GPC6: variants seen among roughly 807,000 people sequenced by gnomAD.
GPC6 encodes the protein glypican-6.
Under a neutral mutation model 55.2 loss-of-function variants are expected in GPC6, and 14 were observed. The observed-to-expected ratio is 0.25, with a 90% CI of 0.17 to 0.40. The LOEUF is 0.40. Ranked by LOEUF, GPC6 falls within the 10% of genes least tolerant of loss-of-function variation. The pLI is 1.00. For synonymous variants in GPC6, 278 were observed against 259.6 expected, an observed-to-expected ratio of 1.07 and a Z score of -0.68; for missense variants, 641 against 708.5, an observed-to-expected ratio of 0.90 and a Z score of 1.08.
At chr13:93,670,986 C>T (rs1487901325) in intron 2 of GPC6, among the ~76,000 whole-genome samples, 1 of 152,182 alleles carries the variant, frequency 6.6e-6, no homozygotes, top group Non-Finnish European at 1.5e-5. Flanking sequence ...TTTGGTCTTG[C>T]TCCCTTTCCA....
At chr13:93,729,421 G>T (rs1204550005) in intron 2 of GPC6, among the ~76,000 whole-genome samples, 1 of 152,124 alleles carries the variant, frequency 6.6e-6, no homozygotes, top group African/African-American at 2.4e-5. Flanking sequence ...TATCCAAACA[G>T]CAGTAAACTT....
At chr13:94,264,522 G>A (rs1368040536) in intron 4 of GPC6, among the ~76,000 whole-genome samples, 1 of 152,152 alleles carries the variant, frequency 6.6e-6, no homozygotes, top group Non-Finnish European at 1.5e-5. Context: ...TATTTGCTAT[G>A]CATTAGATGT....
intron 2 of GPC6, among the ~76,000 whole-genome samples, chr13:93,686,390 T>TC (rs1808321524): frequency 1.3e-5 from 2 of 152,144 alleles, no homozygotes; most frequent in Non-Finnish European, 2.9e-5. Context: ...ATCTTGACAA[T>TC]ATCCTTTGGC....
chr13:94,350,116 A>G (rs1206831223), intron 6 of GPC6, among the ~76,000 whole-genome samples: 1 of 146,226 alleles, frequency 6.8e-6, no homozygotes, highest in Non-Finnish European at 1.5e-5. Flanking sequence ...GTGTGTGTAA[A>G]CCTTTCATCT....
At chr13:94,280,742 G>A (rs563652552) in intron 4 of GPC6, among the ~76,000 whole-genome samples, 43 of 152,196 alleles carry the variant, frequency 2.8e-4, no homozygotes, top group Admixed American at 7.9e-4. Context: ...AAGCTAAAAT[G>A]TACATGCAGC....
At chr13:93,297,649 A>G (rs1283886119) in intron 1 of GPC6, among the ~76,000 whole-genome samples, 1 of 152,044 alleles carries the variant, frequency 6.6e-6, no homozygotes, top group Non-Finnish European at 1.5e-5. Context: ...AGTAAAAAAC[A>G]AAATGATTTT....
At chr13:93,559,173 A>G (rs1452759783) in intron 2 of GPC6, among the ~76,000 whole-genome samples, 1 of 152,170 alleles carries the variant, frequency 6.6e-6, no homozygotes, top group Non-Finnish European at 1.5e-5. Context: ...ATGAACATTA[A>G]GTTGATATCT....
intron 2 of GPC6, among the ~76,000 whole-genome samples, chr13:93,565,215 AG>A (rs1474238038): frequency 1.3e-5 from 2 of 152,098 alleles, no homozygotes; most frequent in African/African-American, 4.8e-5. Context: ...ATCTGTTGAA[AG>A]GGGGGAGAAG....
intron 2 of GPC6, among the ~76,000 whole-genome samples, chr13:93,584,281 T>G (rs1255648006): frequency 2.0e-5 from 3 of 152,148 alleles, no homozygotes; most frequent in Admixed American, 2.0e-4. Context: ...TGCTGTGATT[T>G]TAAATGGGAA....
intron 1 of GPC6, among the ~76,000 whole-genome samples, chr13:93,304,157 C>A (rs1012863768): frequency 6.6e-6 from 1 of 152,080 alleles, no homozygotes; most frequent in Non-Finnish European, 1.5e-5. Context: ...TGAGCTACTG[C>A]GCCTGGCCGT....
At chr13:93,502,449 C>T (rs1312846376) in intron 1 of GPC6, among the ~76,000 whole-genome samples, 1 of 152,076 alleles carries the variant, frequency 6.6e-6, no homozygotes, top group Non-Finnish European at 1.5e-5. Context: ...CATCTATACC[C>T]AACCTGTGGT....
chr13:93,539,980 C>T (rs955194978), intron 1 of GPC6, among the ~76,000 whole-genome samples: 13 of 152,066 alleles, frequency 8.5e-5, no homozygotes, highest in Admixed American at 2.0e-4. Flanking sequence ...CATGAGGCAC[C>T]GTGCCCAGCC....
At chr13:93,592,285 A>T (rs2139509812) in intron 2 of GPC6, among the ~76,000 whole-genome samples, 1 of 151,126 alleles carries the variant, frequency 6.6e-6, no homozygotes, top group Non-Finnish European at 1.5e-5. Flanking sequence ...CCTGGGTTCA[A>T]GCGATTCTTG....
chr13:93,584,038 T>C (rs1363157299), intron 2 of GPC6, among the ~76,000 whole-genome samples: 1 of 152,194 alleles, frequency 6.6e-6, no homozygotes, highest in Non-Finnish European at 1.5e-5. Flanking sequence ...GGGAAATGTA[T>C]TTCCCACCTG....
chr13:93,846,860 A>G (rs928041649), intron 3 of GPC6, among the ~76,000 whole-genome samples: 3 of 152,170 alleles, frequency 2.0e-5, no homozygotes, highest in Non-Finnish European at 4.4e-5. Context: ...ATACTGAAGA[A>G]GAGCTTGTGG....
chr13:94,149,005 A>G (rs1180596650), intron 4 of GPC6, among the ~76,000 whole-genome samples: 1 of 152,180 alleles, frequency 6.6e-6, no homozygotes, highest in African/African-American at 2.4e-5. Context: ...CACTACTTCT[A>G]ACCATTCAGT....
At chr13:93,738,902 C>A (rs1884095342) in intron 2 of GPC6, among the ~76,000 whole-genome samples, 2 of 151,678 alleles carry the variant, frequency 1.3e-5, no homozygotes, top group South Asian at 4.2e-4. Context: ...AAACAACTCA[C>A]AGTGATAGTT....
intron 3 of GPC6, among the ~76,000 whole-genome samples, chr13:93,869,297 G>A (rs1300686969): frequency 1.3e-5 from 2 of 151,770 alleles, no homozygotes; most frequent in Admixed American, 6.6e-5. Flanking sequence ...CCCTCAGTTG[G>A]AGCTTAGATA....
intron 1 of GPC6, among the ~76,000 whole-genome samples, chr13:93,443,150 C>T (rs973851856): frequency 1.3e-5 from 2 of 152,070 alleles, no homozygotes; most frequent in Non-Finnish European, 2.9e-5. Flanking sequence ...TTCTTCTTTG[C>T]CTATACTATT....
Sources: allele counts gnomAD v4.1 joint callset (sites outside exome capture counted in the v4.1 genomes callset), GRCh38; gene constraint gnomAD v4.1.1; transcripts MANE v1.5; gene names NCBI Gene and HGNC (gene_info 2026-07-23, HGNC 2026-07-21).